RAB9B: variants seen among roughly 807,000 people sequenced by gnomAD.
RAB9B encodes RAB9B, member RAS oncogene family.
In RAB9B, 1 loss-of-function variant was observed where a neutral mutation model predicts 8.9. That is an observed-to-expected ratio of 0.11 (90% confidence interval 0.04 to 0.53). The LOEUF (loss-of-function observed/expected upper bound fraction) is 0.53, where lower values mean the gene tolerates loss of function less well. Ranked by LOEUF, RAB9B falls within the 20% of genes least tolerant of loss-of-function variation. RAB9B has a pLI of 0.93. For missense variants in RAB9B, 82 were observed against 152.9 expected, an observed-to-expected ratio of 0.54 and a Z score of 2.45; for synonymous variants, 63 against 57.0, an observed-to-expected ratio of 1.10 and a Z score of -0.47.
the RAB9B span, among the ~76,000 whole-genome samples, chrX:103,807,089 C>T: frequency 5.4e-5 from 6 of 111,792 alleles, no homozygotes. Flanking sequence ...AAGAGCAGCT[C>T]ATGGTTGCAT....
chrX:103,786,600 C>T, the RAB9B span: 1 of 1,211,566 alleles, frequency 8.3e-7, no homozygotes, highest in South Asian at 1.8e-5. Context: ...CCACCATCTG[C>T]GGCAAGGGCC....
chrX:103,790,656 T>A, the RAB9B span: 1 of 850,947 alleles, frequency 1.2e-6, no homozygotes, highest in African/African-American at 2.0e-5. Flanking sequence ...CAGCCTACAA[T>A]GCTGCGTCTC....
the RAB9B span, chrX:103,787,417 G>T: frequency 4.1e-6 from 1 of 243,186 alleles, no homozygotes; most frequent in Non-Finnish European, 7.4e-6. Context: ...AATGGCTAGG[G>T]AACAAAAATG....
the RAB9B span, among the ~76,000 whole-genome samples, chrX:103,777,632 A>G: frequency 8.9e-6 from 1 of 112,072 alleles, no homozygotes; most frequent in Admixed American, 9.4e-5. Context: ...ATTTCTAGCA[A>G]ATATCACAGA....
the RAB9B span, among the ~76,000 whole-genome samples, chrX:103,780,630 A>G: frequency 9.0e-6 from 1 of 111,583 alleles, no homozygotes; most frequent in South Asian, 3.8e-4. Flanking sequence ...CAGGCCCCAG[A>G]GACTTCGGGA....
In RAB9B at chrX:103,825,839, G is replaced by A. The variant is rs1430967706; in HGVS notation, c.-42-13C>T. Reference sequence around the variant, plus strand: ...TAACCAAGAGAACCTGAAAATAAAAGGAAAAGTAGGAGGGAAAACAGTTAA... The same window carrying A: ...TAACCAAGAGAACCTGAAAATAAAAAGAAAAGTAGGAGGGAAAACAGTTAA... On this transcript the variant is annotated splice_polypyrimidine_tract_variant and intron_variant, in intron 2 of 2. Transcript: ENST00000243298. 10 of 1,080,034 alleles carry A rather than the reference G, an allele frequency of 9.3e-6. No homozygotes were observed. Among genetic ancestry groups the A allele is most frequent in the African/African-American group, 1.9e-5 (1 of 53,069 alleles). The allele number at this position is 1,080,034 out of a possible 1,213,427, so 89.0% of individuals were successfully genotyped here. A position where few individuals can be genotyped will look rare whatever the true frequency, so the allele number is the denominator to read the frequency against.
chrX:103,820,585 G>A (rs1478445182), downstream of RAB9B, among the ~76,000 whole-genome samples: 1 of 111,628 alleles, frequency 9.0e-6, no homozygotes, highest in Non-Finnish European at 1.9e-5. Context: ...ACATCATGAG[G>A]AGATTTCCCA....
the RAB9B span, among the ~76,000 whole-genome samples, chrX:103,803,766 C>A: frequency 9.0e-6 from 1 of 111,727 alleles, no homozygotes; most frequent in Non-Finnish European, 1.9e-5. Flanking sequence ...TTAGTAGAGA[C>A]GGAGTTTTAC....
the RAB9B span, among the ~76,000 whole-genome samples, chrX:103,816,050 T>C: frequency 1.1e-4 from 12 of 111,969 alleles, no homozygotes; most frequent in Admixed American, 4.7e-4. Flanking sequence ...AAGCTATCAA[T>C]GACTTTCTTC....
chrX:103,777,371 G>A, the RAB9B span, among the ~76,000 whole-genome samples: 34 of 111,625 alleles, frequency 3.0e-4, no homozygotes, highest in South Asian at 1.9e-3. Context: ...GGAGGCCACT[G>A]AGCACTGTCT....
chrX:103,829,710 C>T (rs1161410709), intron 1 of RAB9B, among the ~76,000 whole-genome samples: 1 of 112,156 alleles, frequency 8.9e-6, no homozygotes, highest in East Asian at 2.8e-4. Flanking sequence ...AACATGCAAG[C>T]TCAGGATCTC....
chrX:103,801,106 C>T, the RAB9B span, among the ~76,000 whole-genome samples: 2 of 111,428 alleles, frequency 1.8e-5, no homozygotes, highest in East Asian at 5.7e-4. Flanking sequence ...ATTCTCTCCC[C>T]TTCTGTCTTC....
chrX:103,794,490 G>C, the RAB9B span, among the ~76,000 whole-genome samples: 1 of 111,473 alleles, frequency 9.0e-6, no homozygotes, highest in Non-Finnish European at 1.9e-5. Flanking sequence ...TATTCAGTCT[G>C]GCCTTTTGTC....
chrX:103,793,252 C>T, the RAB9B span, among the ~76,000 whole-genome samples: 1 of 112,012 alleles, frequency 8.9e-6, no homozygotes, highest in African/African-American at 3.2e-5. Flanking sequence ...CATTAAAGCC[C>T]TTTCACAACC....
chrX:103,823,243 G>C lies in RAB9B; in HGVS notation c.*1936C>G, dbSNP rs918411517. 2.7e-5 allele frequency: 3 copies of C among 111,927 alleles called. No homozygotes were observed. The highest frequency in any genetic ancestry group is 5.6e-5 in the Non-Finnish European group (3 of 53,231). The allele number at this position is 111,927 out of a possible 1,213,427, so 9.2% of individuals were successfully genotyped here. On this transcript the variant is annotated 3_prime_UTR_variant, in exon 3 of 3. Coordinates refer to ENST00000243298, the MANE Select transcript of RAB9B (RefSeq NM_016370.4). Reference sequence around the variant, plus strand: ...AAATGATCACAGAACTTGGAAACCAGTGTGGCTGGCTATAGGCATAGGCAG... The same window carrying C: ...AAATGATCACAGAACTTGGAAACCACTGTGGCTGGCTATAGGCATAGGCAG...
At chrX:103,828,309 A>T (rs1386420269) in intron 1 of RAB9B, among the ~76,000 whole-genome samples, 1 of 111,946 alleles carries the variant, frequency 8.9e-6, no homozygotes, top group Non-Finnish European at 1.9e-5. Context: ...GTTTATATAC[A>T]CTCTACAGAA....
At chrX:103,826,128 C>T (rs937929930) in intron 2 of RAB9B, among the ~76,000 whole-genome samples, 3 of 111,899 alleles carry the variant, frequency 2.7e-5, no homozygotes, top group African/African-American at 9.7e-5. Context: ...AAGCCTAGAA[C>T]AGGAATGCCA....
the RAB9B span, among the ~76,000 whole-genome samples, chrX:103,808,203 T>C: frequency 8.9e-6 from 1 of 112,145 alleles, no homozygotes; most frequent in Non-Finnish European, 1.9e-5. Flanking sequence ...TGCAGGCCTC[T>C]GTTTCTTCCA....
At chrX:103,777,259 G>T in the RAB9B span, among the ~76,000 whole-genome samples, 2 of 111,543 alleles carry the variant, frequency 1.8e-5, no homozygotes, top group African/African-American at 6.5e-5. Flanking sequence ...GGATGGATGT[G>T]GTCATGTGTC....
Sources: gnomAD v4.1 joint callset for allele counts (sites outside exome capture counted in the v4.1 genomes callset) on GRCh38, gnomAD v4.1.1 for gene constraint, MANE v1.5 for transcripts, NCBI Gene and HGNC (gene_info 2026-07-23, HGNC 2026-07-21) for gene names.